The following HTT variants were observed in gnomAD, a reference collection of about 807,000 sequenced individuals.
HTT encodes the protein huntingtin, also known as huntington disease protein.
HTT carries 104 observed loss-of-function variants against 362.3 expected under a neutral mutation model. The ratio of observed to expected loss-of-function variants is 0.29; its 90% confidence interval spans 0.24 to 0.34. The LOEUF (loss-of-function observed/expected upper bound fraction) is 0.34, where lower values mean the gene tolerates loss of function less well. HTT is among the 10% of genes least tolerant of loss of function. The pLI, the probability that HTT is intolerant of heterozygous loss-of-function variation, is 1.00. For missense variants in HTT, 3,301 were observed against 3,928.6 expected, an observed-to-expected ratio of 0.84 and a Z score of 4.27; for synonymous variants, 1,577 against 1,548.7, an observed-to-expected ratio of 1.02 and a Z score of -0.43.
At chr4:3,093,913 T>TTG (rs1425879366) in intron 2 of HTT, among the ~76,000 whole-genome samples, 60 of 134,012 alleles carry the variant, frequency 4.5e-4, no homozygotes, top group Non-Finnish European at 7.7e-4. Context: ...TGGTTTTTTT[T>TTG]TTTTTTTTTT....
chr4:3,094,423 T>C (rs1198253713), intron 2 of HTT, among the ~76,000 whole-genome samples: 1 of 152,154 alleles, frequency 6.6e-6, no homozygotes, highest in African/African-American at 2.4e-5. Flanking sequence ...CTCAATGAGC[T>C]ATTGGGTACA....
intron 47 of HTT, among the ~76,000 whole-genome samples, chr4:3,210,418 G>A (rs1320073638): frequency 1.3e-5 from 2 of 152,186 alleles, no homozygotes; most frequent in African/African-American, 4.8e-5. Context: ...CTAGTGTCTT[G>A]GAAGTTGATC....
chr4:3,099,145 TTTC>T, intron 2 of HTT, 126 bp from the exon 3 acceptor site: 1 of 609,132 alleles, frequency 1.6e-6, no homozygotes, highest in Non-Finnish European at 2.9e-6. Flanking sequence ...TTATTCAGAT[TTTC>T]TTAATTTCTA....
In HTT at chr4:3,240,140, C is replaced by T. The variant is rs992662415; in HGVS notation, c.*81C>T. The T allele has an allele frequency of 1.2e-5, 15 of 1,252,778 alleles. No homozygotes were observed. The East Asian group carries it at 2.0e-4, about 17-fold the overall frequency. 77.6% of individuals were successfully genotyped at this position (1,252,778 alleles called of 1,614,324 possible). A position where few individuals can be genotyped will look rare whatever the true frequency, so the allele number is the denominator to read the frequency against. ...CTGCGCCCTTGTGCCCTGCCTCCAC[C>T]GAGCCAGCTTGGTCCCTATGGGCTT... On this transcript the variant is annotated 3_prime_UTR_variant, in exon 67 of 67. Transcript: ENST00000355072.
intron 24 of HTT, 119 bp from the exon 25 acceptor site, chr4:3,146,678 T>G (rs1716619590): frequency 2.4e-6 from 2 of 832,552 alleles, no homozygotes; most frequent in South Asian, 3.3e-5. Flanking sequence ...ATAAAACAAT[T>G]TCTGAGCTGG....
rs527970371 is a variant in HTT, at chr4:3,189,165, G to A, written c.5368+72G>A. ...TGCACTATACACTCTCAGAGTGTAG[G>A]AGCTGTGCTGCCCGGTAGAAACTCT... is the stretch of plus-strand genomic sequence containing the variant. On this transcript the variant is annotated intron_variant, in intron 40 of 66. Transcript: ENST00000355072. The A allele has an allele frequency of 2.1e-4, 298 of 1,434,262 alleles. 2 individuals carry two copies. The African/African-American group carries it at 3.6e-3, about 17-fold the overall frequency. The allele number at this position is 1,434,262 out of a possible 1,614,324, so 88.8% of individuals were successfully genotyped here. A position where few individuals can be genotyped will look rare whatever the true frequency, so the allele number is the denominator to read the frequency against.
At chr4:3,179,770 A>G (rs1718420029) in intron 35 of HTT, among the ~76,000 whole-genome samples, 1 of 128,472 alleles carries the variant, frequency 7.8e-6, no homozygotes, top group African/African-American at 3.1e-5. Context: ...TTGTGAGCGT[A>G]TGTGTCACTG....
At chr4:3,087,768 A>G (rs909521996) in intron 2 of HTT, among the ~76,000 whole-genome samples, 9 of 152,244 alleles carry the variant, frequency 5.9e-5, no homozygotes, top group African/African-American at 2.2e-4. Flanking sequence ...TAGAAGCTAG[A>G]AAAAGCCTTT....
chr4:3,114,167 C>T (rs530134976), intron 6 of HTT, among the ~76,000 whole-genome samples: 5 of 152,350 alleles, frequency 3.3e-5, no homozygotes, highest in African/African-American at 1.2e-4. Context: ...TTAACCGCAG[C>T]AGGAGCATGT....
chr4:3,169,040 A>G (rs1434803565), intron 29 of HTT, among the ~76,000 whole-genome samples: 8 of 123,014 alleles, frequency 6.5e-5, no homozygotes, highest in African/African-American at 2.8e-4. Flanking sequence ...TTTTTTTGAG[A>G]CAGTGTCTCG....
At chr4:3,225,623 C>G (rs1261002884) in intron 56 of HTT, 38 bp from the exon 57 acceptor site, 11 of 1,591,890 alleles carry the variant, frequency 6.9e-6, no homozygotes, top group African/African-American at 2.7e-5. Context: ...GCCCTGCCCC[C>G]CTGTGCAGAT....
intron 2 of HTT, among the ~76,000 whole-genome samples, chr4:3,096,323 A>G (rs907679978): frequency 6.6e-6 from 1 of 152,242 alleles, no homozygotes; most frequent in Admixed American, 6.5e-5. Context: ...ACACGTAGCC[A>G]TAATATCTGG....
At chr4:3,182,494 G>T (rs1718573187) in intron 37 of HTT, 24 bp downstream of exon 37, 1 of 1,468,698 alleles carries the variant, frequency 6.8e-7, no homozygotes, top group African/African-American at 1.4e-5. Context: ...GCCTTGGCTT[G>T]TTGTTGCATA....
rs759741560 is a variant in HTT, at chr4:3,187,663, A to G, written c.5002A>G (p.Thr1668Ala). The change falls in exon 39 of 67, where the codon ACT (threonine) becomes GCT (alanine). Residue 1668 changes from threonine (T) to alanine (A), a missense_variant. By Grantham distance (58) the Thr-to-Ala change is moderately conservative. This residue lies in a region of HTT where 2,316 missense variants were observed against 2,658.5 expected (regional missense o/e 0.87). Coordinates refer to ENST00000355072, the MANE Select transcript of HTT (RefSeq NM_001388492.1). ...ATGTTTATTTTAGGCGTCCGTGAGCACTGTTCAACTGTGGATATCGGGAAT... is the reference window on the plus strand; with the variant it reads ...ATGTTTATTTTAGGCGTCCGTGAGCGCTGTTCAACTGTGGATATCGGGAAT... Reference protein sequence around the residue: ...VTPNTMASVSTVQLWISGILA... With the variant: ...VTPNTMASVSAVQLWISGILA... 3.7e-6 allele frequency: 6 copies of G among 1,613,356 alleles called. No homozygotes were observed. The highest frequency in any genetic ancestry group is 5.1e-6 in the Non-Finnish European group (6 of 1,179,320).
intron 33 of HTT, among the ~76,000 whole-genome samples, chr4:3,176,749 A>G (rs1173660916): frequency 1.3e-5 from 2 of 152,254 alleles, no homozygotes; most frequent in Admixed American, 1.3e-4. Context: ...CAGACAAACC[A>G]TTGAACTCTA....
intron 44 of HTT, 134 bp from the exon 45 acceptor site, chr4:3,207,147 T>C: frequency 1.9e-6 from 2 of 1,039,676 alleles, no homozygotes; most frequent in Non-Finnish European, 2.9e-6. Flanking sequence ...CCGATCTGAC[T>C]GTTTCTTGTA....
At chr4:3,113,967 TAGAGGTGTG>T (rs1223915345) in intron 6 of HTT, among the ~76,000 whole-genome samples, 6 of 152,042 alleles carry the variant, frequency 3.9e-5, no homozygotes, top group Non-Finnish European at 2.9e-5. Flanking sequence ...CACAGAAATA[TAGAGGTGTG>T]AAGTGGGAAA....
intron 2 of HTT, among the ~76,000 whole-genome samples, chr4:3,088,495 G>GT (rs1713332420): frequency 1.3e-5 from 2 of 152,080 alleles, no homozygotes; most frequent in Non-Finnish European, 2.9e-5. Context: ...TTTTATTGTG[G>GT]TAAAATGCAC....
intron 3 of HTT, among the ~76,000 whole-genome samples, chr4:3,102,061 CTT>C (rs925150701): frequency 2.7e-4 from 41 of 152,264 alleles, no homozygotes; most frequent in African/African-American, 9.6e-4. Context: ...CTCTTGAAGA[CTT>C]TGGATGTGGT....
Sources: gnomAD v4.1 joint callset for allele counts (sites outside exome capture counted in the v4.1 genomes callset) on GRCh38, gnomAD v4.1.1 for gene constraint, gnomAD v4.1.1 regional missense constraint, MANE v1.5 for transcripts, NCBI Gene and HGNC (gene_info 2026-07-23, HGNC 2026-07-21) for gene names.